The following HADHA variants were observed in gnomAD, a reference collection of about 807,000 sequenced individuals.
HADHA encodes hydroxyacyl-CoA dehydrogenase trifunctional multienzyme complex subunit alpha.
A neutral mutation model predicts 91.3 loss-of-function variants in HADHA; 59 were observed. The observed-to-expected ratio is 0.65, with a 90% CI of 0.52 to 0.80. HADHA has a LOEUF of 0.80. HADHA is among the 30% of genes least tolerant of loss of function. The pLI, the probability that HADHA is intolerant of heterozygous loss-of-function variation, is 0.00. For missense variants in HADHA, 800 were observed against 927.6 expected (o/e 0.86, Z 1.79); for synonymous variants, 320 against 338.9 (o/e 0.94, Z 0.61).
At chr2:26,203,183 G>T (rs1317492953) in intron 12 of HADHA, among the ~76,000 whole-genome samples, 2 of 152,196 alleles carry the variant, frequency 1.3e-5, no homozygotes, top group Non-Finnish European at 2.9e-5. Context: ...GATGAAACCT[G>T]CCAGGTCCTG....
Position 26,191,007 on chromosome 2 carries a change from C to T in HADHA, c.*243G>A. ...GATGGCTCTTGGCTGCCACTCTAGG[C>T]CTCGGGGCTTATACAATGAGCAGTG... On this transcript the variant is annotated 3_prime_UTR_variant, in exon 20 of 20. Transcript: ENST00000380649. 1.7e-6 allele frequency: 1 copy of T among 587,392 alleles called. No individual in the cohort carries two copies. The highest frequency in any genetic ancestry group is 2.9e-5 in the East Asian group (1 of 34,024). 36.4% of individuals were successfully genotyped at this position (587,392 alleles called of 1,614,324 possible). A position where few individuals can be genotyped will look rare whatever the true frequency, so the allele number is the denominator to read the frequency against.
At chr2:26,207,645 TG>T (rs1670002474) in intron 11 of HADHA, among the ~76,000 whole-genome samples, 1 of 152,198 alleles carries the variant, frequency 6.6e-6, no homozygotes, top group Non-Finnish European at 1.5e-5. Context: ...CTAACATCTA[TG>T]GTGCACGATG....
At chr2:26,226,034 T>C (rs1261234809) in intron 7 of HADHA, among the ~76,000 whole-genome samples, 3 of 152,186 alleles carry the variant, frequency 2.0e-5, no homozygotes, top group African/African-American at 7.2e-5. Context: ...CCAAAAATCT[T>C]TGTATTTCTA....
At chr2:26,225,336 A>C (rs1670461594) in intron 7 of HADHA, among the ~76,000 whole-genome samples, 1 of 151,832 alleles carries the variant, frequency 6.6e-6, no homozygotes, top group African/African-American at 2.4e-5. Context: ...AAAATACAAA[A>C]ATTAGCCCAA....
intron 12 of HADHA, among the ~76,000 whole-genome samples, chr2:26,202,313 C>T (rs965792193): frequency 1.3e-5 from 2 of 152,240 alleles, no homozygotes; most frequent in Middle Eastern, 3.4e-3. Flanking sequence ...TCTTAGATTC[C>T]GTCTGACCAC....
Position 26,221,921 on chromosome 2 carries a change from C to T in HADHA, c.677-6746G>A, listed in dbSNP as rs1433812154. Among the ~76,000 whole-genome samples the T allele has an allele frequency of 6.6e-6, 1 of 152,116 alleles. No homozygotes were observed. The highest frequency in any genetic ancestry group is 6.5e-5 in the Admixed American group (1 of 15,278). ...TAAGGGTCTACTCTGATTCATAGGC[C>T]GTGGCAAACGGTTTGCCTGGGTGGT... On this transcript the variant is annotated intron_variant, in intron 7 of 19. Transcript: ENST00000380649. This position sits in a 1 kb window ranked among gnomAD's most constrained non-coding sequence, Gnocchi z 4.8.
At position 26,234,345 on chromosome 2, in the gene HADHA, C is replaced by T. The variant is rs368388214; in HGVS notation, c.325G>A (p.Ala109Thr). 9.7e-5 allele frequency: 156 copies of T among 1,612,650 alleles called. No homozygotes were observed. The highest frequency in any genetic ancestry group is 4.9e-4 in the Middle Eastern group (3 of 6,082). ...IAGADINMLA[A>T]CKTLQEVTQL... ...GTTACTTCTTGAAGGGTCTTGCAAG[C>T]GGCTAACATGCTGCATTATCCATAA... is the stretch of plus-strand genomic sequence containing the variant. Residue 109 changes from alanine to threonine, a missense_variant, in exon 5 of 20, where the codon GCT becomes ACT. By Grantham distance (58) the Ala-to-Thr change is moderately conservative (BLOSUM62 0). Coordinates refer to ENST00000380649, the MANE Select transcript of HADHA (RefSeq NM_000182.5).
rs1553311706 is a variant in HADHA at position 26,191,569 on chromosome 2, AT to A, written c.2059del (p.Met687CysfsTer43). ...LVTRFVNEAV[M>X]CLQEGILATP... Reference sequence around the variant, plus strand: ...GGCCAAGATCCCCTCTTGCAGGCACATGACTGCCTCATTCACAAATCTTGTC... The same window carrying A: ...GGCCAAGATCCCCTCTTGCAGGCACAGACTGCCTCATTCACAAATCTTGTC... On this transcript the variant is annotated frameshift_variant, in exon 19 of 20. Transcript: ENST00000380649. LOFTEE classifies it high-confidence loss of function. 6.2e-7 allele frequency: 1 copy of A among 1,613,976 alleles called. No individual in the cohort carries two copies. The highest frequency in any genetic ancestry group is 1.7e-4 in the Middle Eastern group (1 of 6,060).
chr2:26,217,682 C>T (rs1381204026), intron 7 of HADHA, among the ~76,000 whole-genome samples: 3 of 152,138 alleles, frequency 2.0e-5, no homozygotes, highest in Non-Finnish European at 4.4e-5. Flanking sequence ...GGGAGGATCA[C>T]GTGAGCCCAG....
intron 1 of HADHA, among the ~76,000 whole-genome samples, chr2:26,241,918 T>A (rs1460715622): frequency 6.6e-6 from 1 of 151,922 alleles, no homozygotes; most frequent in Non-Finnish European, 1.5e-5. Flanking sequence ...TCCTTCAAGA[T>A]AATTTTTTTT....
At chr2:26,235,847 G>T (rs1670735691) in intron 4 of HADHA, among the ~76,000 whole-genome samples, 1 of 152,172 alleles carries the variant, frequency 6.6e-6, no homozygotes, top group Non-Finnish European at 1.5e-5. Flanking sequence ...GTAAACAATT[G>T]TAAATAAGTT....
chr2:26,225,648 C>T (rs1284504525), intron 7 of HADHA, among the ~76,000 whole-genome samples: 1 of 152,098 alleles, frequency 6.6e-6, no homozygotes, highest in Non-Finnish European at 1.5e-5. Flanking sequence ...GAAAACCCCA[C>T]AATTATCTCT....
intron 12 of HADHA, among the ~76,000 whole-genome samples, chr2:26,203,398 C>T (rs920691151): frequency 1.3e-5 from 2 of 152,172 alleles, no homozygotes; most frequent in Non-Finnish European, 2.9e-5. Context: ...TGCTGCTCCA[C>T]CTTCCCCTCT....
intron 14 of HADHA, among the ~76,000 whole-genome samples, chr2:26,195,771 A>G (rs1177048470): frequency 1.3e-5 from 2 of 152,190 alleles, no homozygotes; most frequent in African/African-American, 2.4e-5. Flanking sequence ...CCCGGACCCA[A>G]CAAGCACTGT....
chr2:26,195,042 C>T, intron 15 of HADHA, 50 bp downstream of exon 15: 1 of 1,450,508 alleles, frequency 6.9e-7, no homozygotes. Flanking sequence ...TAAAAGGAGT[C>T]TTATTAGAAC....
At position 26,195,169 on chromosome 2, in the gene HADHA, C is replaced by G. The variant is rs763353852; in HGVS notation, c.1543G>C (p.Glu515Gln). 3.7e-6 allele frequency: 6 copies of G among 1,612,000 alleles called. No homozygotes were observed. The African/African-American group carries it at 6.7e-5, about 18-fold the overall frequency. Residue 515 changes from glutamate to glutamine, a missense_variant, in exon 15 of 20, where the codon GAG becomes CAG. By Grantham distance (29) the Glu-to-Gln change is conservative. Transcript: ENST00000380649. ...KMQLLEIITT[E>Q]KTSKDTSASA... ...GCACTGGTGTCTTTGGAAGTTTTCT[C>G]GGTCGTGATAATCTCCAGCAGCTGC...
chr2:26,195,942 C>T (rs185540080), intron 14 of HADHA, among the ~76,000 whole-genome samples: 1 of 152,344 alleles, frequency 6.6e-6, no homozygotes, highest in East Asian at 1.9e-4. Flanking sequence ...CTAACAGTTA[C>T]ATAGTCTTCC....
intron 7 of HADHA, among the ~76,000 whole-genome samples, chr2:26,226,636 G>A (rs949892669): frequency 6.6e-6 from 1 of 152,118 alleles, no homozygotes; most frequent in African/African-American, 2.4e-5. Flanking sequence ...GGGAAGAAAA[G>A]GCCCTCAATC....
intron 1 of HADHA, among the ~76,000 whole-genome samples, chr2:26,244,266 G>A (rs1671014300): frequency 6.6e-6 from 1 of 152,252 alleles, no homozygotes; most frequent in Non-Finnish European, 1.5e-5. Flanking sequence ...CAAGAGACCC[G>A]CGGAAAGGTG....
Sources: allele counts gnomAD v4.1 joint callset (sites outside exome capture counted in the v4.1 genomes callset), GRCh38; gene constraint gnomAD v4.1.1; non-coding constraint Gnocchi (gnomAD v3.1); transcripts MANE v1.5; gene names NCBI Gene and HGNC (gene_info 2026-07-23, HGNC 2026-07-21).